Variants in LARGE1 observed in about 807,000 individuals in gnomAD.
LARGE1 encodes LARGE xylosyl- and glucuronyltransferase 1.
LARGE1 carries 43 observed loss-of-function variants against 87.6 expected under a neutral mutation model. The ratio of observed to expected loss-of-function variants is 0.49; its 90% CI spans 0.38 to 0.63. The LOEUF (loss-of-function observed/expected upper bound fraction) is 0.63, where lower values mean the gene tolerates loss of function less well. Among genes scored for constraint, LARGE1 ranks in the 30% least tolerant of loss-of-function variants. The probability of loss-of-function intolerance (pLI) is 0.00; values close to 1 mark genes in which losing one functional copy is unlikely to be tolerated. For synonymous variants in LARGE1, 434 were observed against 394.6 expected, an observed-to-expected ratio of 1.10 and a Z score of -1.18; for missense variants, 802 against 1,000.2, an observed-to-expected ratio of 0.80 and a Z score of 2.67.
chr22:33,270,682 A>T (rs1928195460), downstream of LARGE1, among the ~76,000 whole-genome samples: 1 of 152,142 alleles, frequency 6.6e-6, no homozygotes, highest in Non-Finnish European at 1.5e-5. Context: ...TGTGTCTGAG[A>T]GGGGATTTGA....
chr22:33,760,145 T>C (rs926797353), intron 2 of LARGE1, among the ~76,000 whole-genome samples: 7 of 152,234 alleles, frequency 4.6e-5, no homozygotes, highest in African/African-American at 1.2e-4. Context: ...TGTGACTTCC[T>C]TGAGACAGAT....
chr22:33,865,677 T>G (rs910113113), intron 1 of LARGE1, among the ~76,000 whole-genome samples: 3 of 152,026 alleles, frequency 2.0e-5, no homozygotes, highest in Non-Finnish European at 2.9e-5. Context: ...TTGGGGAGAA[T>G]CCAGCTACAC....
the LARGE1 span, among the ~76,000 whole-genome samples, chr22:33,122,764 C>T: frequency 1.2e-4 from 18 of 152,200 alleles, no homozygotes; most frequent in Non-Finnish European, 2.4e-4. Flanking sequence ...GTACAAACTT[C>T]CCTGGATCCT....
chr22:33,456,045 C>T (rs1177629786), intron 6 of LARGE1, among the ~76,000 whole-genome samples: 2 of 152,166 alleles, frequency 1.3e-5, no homozygotes, highest in African/African-American at 4.8e-5. Context: ...ACATTTTCTC[C>T]GTATGCTAAG....
At chr22:33,616,227 C>A (rs1460419459) in intron 4 of LARGE1, among the ~76,000 whole-genome samples, 1 of 152,154 alleles carries the variant, frequency 6.6e-6, no homozygotes, top group Non-Finnish European at 1.5e-5. Flanking sequence ...AAGTGGATGG[C>A]CGGGCACTGT....
chr22:33,671,329 C>A (rs905423567), intron 2 of LARGE1, among the ~76,000 whole-genome samples: 1 of 152,288 alleles, frequency 6.6e-6, no homozygotes, highest in African/African-American at 2.4e-5. Context: ...GAGATGAAAG[C>A]CATCATGAGA....
At chr22:33,113,076 T>A in the LARGE1 span, among the ~76,000 whole-genome samples, 1 of 152,220 alleles carries the variant, frequency 6.6e-6, no homozygotes, top group Admixed American at 6.5e-5. Context: ...TGTTTTGTTG[T>A]TTTTGTAGGT....
intron 1 of LARGE1, among the ~76,000 whole-genome samples, chr22:33,840,734 G>A (rs760155267): frequency 3.8e-4 from 58 of 151,886 alleles, no homozygotes; most frequent in Non-Finnish European, 3.5e-4. Context: ...ACAGTGGCGT[G>A]ATCACGGCTC....
chr22:33,147,978 T>C, the LARGE1 span, among the ~76,000 whole-genome samples: 1 of 152,198 alleles, frequency 6.6e-6, no homozygotes, highest in Non-Finnish European at 1.5e-5. Context: ...TATTAAGAAG[T>C]AATCCTTTAA....
intron 11 of LARGE1, chr22:33,305,611 T>C (rs1314256374): frequency 1.0e-6 from 1 of 985,236 alleles, no homozygotes; most frequent in Non-Finnish European, 1.2e-6. Context: ...ATCGATTCCA[T>C]GCATTTCCAT....
intron 1 of LARGE1, among the ~76,000 whole-genome samples, chr22:33,907,389 C>A (rs34375307): frequency 0.099 from 15,033 of 152,220 alleles, 997 homozygotes; most frequent in Non-Finnish European, 0.14. Flanking sequence ...ATTCGATCCT[C>A]CCTAGCCAGT....
chr22:33,631,476 G>A (rs1460794636), intron 3 of LARGE1, among the ~76,000 whole-genome samples: 1 of 151,706 alleles, frequency 6.6e-6, no homozygotes, highest in East Asian at 1.9e-4. Flanking sequence ...AAACTTTTTT[G>A]TTAAAAACTA....
At chr22:33,523,158 G>A (rs1441040584) in intron 6 of LARGE1, among the ~76,000 whole-genome samples, 2 of 151,716 alleles carry the variant, frequency 1.3e-5, no homozygotes, top group African/African-American at 2.4e-5. Flanking sequence ...GTGTGTGCCA[G>A]CACACCCAGA....
At chr22:33,622,785 T>C (rs938590318) in intron 4 of LARGE1, among the ~76,000 whole-genome samples, 10 of 152,218 alleles carry the variant, frequency 6.6e-5, no homozygotes, top group Admixed American at 2.0e-4. Flanking sequence ...GGGCTCAGCA[T>C]AACAAATGGG....
At chr22:33,475,599 T>C (rs543375035) in intron 6 of LARGE1, among the ~76,000 whole-genome samples, 1 of 152,060 alleles carries the variant, frequency 6.6e-6, no homozygotes, top group African/African-American at 2.4e-5. Context: ...GTAGCTGGGA[T>C]TACAGGCATG....
At chr22:33,878,611 T>C (rs1275440842) in intron 1 of LARGE1, among the ~76,000 whole-genome samples, 1 of 152,208 alleles carries the variant, frequency 6.6e-6, no homozygotes, top group Non-Finnish European at 1.5e-5. Context: ...CCTGATGATG[T>C]GCCTGAGGTC....
intron 7 of LARGE1, among the ~76,000 whole-genome samples, chr22:33,407,191 C>T (rs990372028): frequency 6.6e-6 from 1 of 152,172 alleles, no homozygotes; most frequent in African/African-American, 2.4e-5. Context: ...CTATGTTGAG[C>T]AGGCTGGAGT....
At chr22:33,324,474 C>G (rs1167691317) in intron 10 of LARGE1, among the ~76,000 whole-genome samples, 1 of 151,926 alleles carries the variant, frequency 6.6e-6, no homozygotes, top group Non-Finnish European at 1.5e-5. Context: ...GGGCTCCTGA[C>G]AAGGGAGGCA....
rs186462105 is a variant in LARGE1, at chr22:33,489,896, G to A, written c.788-57631C>T. Among the ~76,000 whole-genome samples the A allele has an allele frequency of 4.6e-5, 7 of 152,300 alleles. No homozygotes were observed. The East Asian group carries it at 7.7e-4, about 17-fold the overall frequency. Reference sequence around the variant, plus strand: ...AAGTGCTAAGTGGACATGAACAAGCGTAGATGGGGCTGGGCTGGGTGGTGT... The same window carrying A: ...AAGTGCTAAGTGGACATGAACAAGCATAGATGGGGCTGGGCTGGGTGGTGT... On this transcript the variant is annotated intron_variant, in intron 6 of 14. Transcript: ENST00000397394.
Sources: gnomAD v4.1 joint callset for allele counts (sites outside exome capture counted in the v4.1 genomes callset) on GRCh38, gnomAD v4.1.1 for gene constraint, MANE v1.5 for transcripts, NCBI Gene and HGNC (gene_info 2026-07-23, HGNC 2026-07-21) for gene names.